Variants in APOL1 observed in about 807,000 individuals in gnomAD.
APOL1 encodes the protein apolipoprotein L 1.
Under a neutral mutation model 14.9 loss-of-function variants are expected in APOL1, and 17 were observed. The ratio of observed to expected loss-of-function variants is 1.14; its 90% CI spans 0.78 to 1.71. The LOEUF is 1.71. Among genes scored for constraint, APOL1 ranks in the 40% most tolerant of loss-of-function variants. The probability of loss-of-function intolerance (pLI) is 0.00; values close to 1 mark genes in which losing one functional copy is unlikely to be tolerated. For synonymous variants in APOL1, 195 were observed against 184.8 expected, an observed-to-expected ratio of 1.05 and a Z score of -0.45; for missense variants, 523 against 485.9, an observed-to-expected ratio of 1.08 and a Z score of -0.72.
At chr22:36,257,788 C>T (rs774930939) in intron 4 of APOL1, among the ~76,000 whole-genome samples, 3 of 152,136 alleles carry the variant, frequency 2.0e-5, no homozygotes, top group South Asian at 4.1e-4. Flanking sequence ...TGTCACCTCC[C>T]GCTCTGCTCC....
At chr22:36,259,073 A>G (rs1054075372) in intron 4 of APOL1, among the ~76,000 whole-genome samples, 2 of 152,148 alleles carry the variant, frequency 1.3e-5, no homozygotes, top group African/African-American at 4.8e-5. Context: ...CAGTATCCAC[A>G]TCTCAGCATG....
chr22:36,257,233 T>C, intron 3 of APOL1, 86 bp from the exon 4 acceptor site: 1 of 1,604,140 alleles, frequency 6.2e-7, no homozygotes, highest in Non-Finnish European at 8.5e-7. Flanking sequence ...CAGAGAGATT[T>C]GCAGAGCCCC....
At chr22:36,254,812 T>G (rs1224678112) in intron 1 of APOL1, 125 bp from the exon 2 acceptor site, 1 of 1,250,002 alleles carries the variant, frequency 8.0e-7, no homozygotes, top group African/African-American at 1.5e-5. Flanking sequence ...GTAGCGAGCC[T>G]AGATCGCCCC....
At chr22:36,257,288 T>G (rs1025369603) in intron 3 of APOL1, 31 bp from the exon 4 acceptor site, 3 of 1,611,672 alleles carry the variant, frequency 1.9e-6, no homozygotes, top group Non-Finnish European at 2.5e-6. Context: ...GGCTCACATT[T>G]GATCCCACAA....
At position 36,257,045 on chromosome 22, in the gene APOL1, GC is replaced by G. The variant is rs553176123; in HGVS notation, c.45-35del. 2.9e-4 allele frequency: 463 copies of G among 1,610,702 alleles called. 5 individuals carry two copies. In the East Asian group the frequency reaches 7.6e-3, roughly 27 times the overall value. ...TAGTTTCTGTAATGATCAGATGGCT[GC>G]CCGTCCTCTGATTATCTTCTCCTCA... is the stretch of plus-strand genomic sequence containing the variant. On this transcript the variant is annotated intron_variant, in intron 2 of 5. Transcript: ENST00000397278.
At chr22:36,255,270 G>A (rs991290193) in intron 2 of APOL1, among the ~76,000 whole-genome samples, 34 of 152,252 alleles carry the variant, frequency 2.2e-4, no homozygotes, top group Non-Finnish European at 3.8e-4. Flanking sequence ...GGGATCCAGG[G>A]TGCAGCTCCT....
In APOL1 at chr22:36,257,699, G is replaced by T. The variant is rs78940779; in HGVS notation, c.187+292G>T. ...ATCCTTGGGGAAGTGGAATCAGCGG[G>T]GGGGGGGGGGAGTGTGGGGAGAGCA... On this transcript the variant is annotated intron_variant, in intron 4 of 5. Coordinates refer to ENST00000397278, the MANE Select transcript of APOL1 (RefSeq NM_003661.4). 1.1e-4 allele frequency: 32 copies of T among 299,266 alleles called. 2 individuals are homozygous for T. The Middle Eastern group carries it at 5.2e-3, about 49-fold the overall frequency. The allele number at this position is 299,266 out of a possible 1,614,324, so 18.5% of individuals were successfully genotyped here. A position where few individuals can be genotyped will look rare whatever the true frequency, so the allele number is the denominator to read the frequency against.
At chr22:36,257,619 G>A (rs564462892) in intron 4 of APOL1, 1 of 557,722 alleles carries the variant, frequency 1.8e-6, no homozygotes, top group South Asian at 2.2e-5. Flanking sequence ...CACGGCCCAG[G>A]TGCCCACTTC....
At chr22:36,259,680 T>A in intron 4 of APOL1, 2 of 1,302,712 alleles carry the variant, frequency 1.5e-6, no homozygotes, top group Non-Finnish European at 1.0e-6. Context: ...CCCAGCTGGG[T>A]CCAGAGGTGA....
rs1603482254 is a variant in APOL1 at position 36,265,491 on chromosome 22, G to A, written c.655G>A (p.Ala219Thr). 6.8e-6 allele frequency: 11 copies of A among 1,614,022 alleles called. No homozygotes were observed. The highest frequency in any genetic ancestry group is 2.7e-5 in the African/African-American group (2 of 75,024). ...EPGMELGITA[A>T]LTGITSSTMD... ...TGGGATGGAGTTGGGAATCACAGCCGCTTTGACCGGGATTACCAGCAGTAC... is the reference window on the plus strand; with the variant it reads ...TGGGATGGAGTTGGGAATCACAGCCACTTTGACCGGGATTACCAGCAGTAC... The change falls in exon 6 of 6, where the codon GCT becomes ACT. Residue 219 changes from alanine to threonine, a missense_variant. Coordinates refer to ENST00000397278, the MANE Select transcript of APOL1 (RefSeq NM_003661.4).
chr22:36,261,534 G>A (rs1336902148), intron 4 of APOL1, 62 bp from the exon 5 acceptor site: 2 of 1,526,008 alleles, frequency 1.3e-6, no homozygotes, highest in Non-Finnish European at 1.8e-6. Flanking sequence ...CATCTCTTAT[G>A]CAATGGCTGT....
At chr22:36,265,018 A>G in intron 5 of APOL1, 133 bp from the exon 6 acceptor site, 2 of 1,171,762 alleles carry the variant, frequency 1.7e-6, no homozygotes, top group Non-Finnish European at 2.4e-6. Context: ...TCACCGTATT[A>G]GTCAGGATGG....
chr22:36,261,815 A>G (rs944431197), intron 5 of APOL1, 93 bp downstream of exon 5: 9 of 1,474,578 alleles, frequency 6.1e-6, no homozygotes, highest in Admixed American at 2.0e-5. Flanking sequence ...CACCTCCTCC[A>G]GGCAGCCCCC....
chr22:36,255,351 C>G (rs547891572), intron 2 of APOL1, among the ~76,000 whole-genome samples: 18 of 152,402 alleles, frequency 1.2e-4, no homozygotes, highest in African/African-American at 4.3e-4. Context: ...TCCTGGTCCT[C>G]CTGTGTCCTC....
chr22:36,259,103 T>A (rs2146301842), intron 4 of APOL1, among the ~76,000 whole-genome samples: 1 of 152,278 alleles, frequency 6.6e-6, no homozygotes. Context: ...CAGCTGGCTT[T>A]AAGTTTTGTT....
At position 36,265,485 on chromosome 22, in the gene APOL1, A is replaced by C; in HGVS notation, c.649A>C (p.Thr217Pro). 3.7e-6 allele frequency: 6 copies of C among 1,614,108 alleles called. No individual in the cohort carries two copies. The South Asian group carries it at 6.6e-5, about 18-fold the overall frequency. Residue 217 changes from threonine (T) to proline (P), a missense_variant, in exon 6 of 6, where the codon ACA (threonine) becomes CCA (proline). Thr to Pro is a conservative substitution (Grantham distance 38, BLOSUM62 -1). Coordinates refer to ENST00000397278, the MANE Select transcript of APOL1 (RefSeq NM_003661.4). ...LLEPGMELGI[T>P]AALTGITSST... is the part of the protein sequence containing the mutation. ...GGAACCTGGGATGGAGTTGGGAATC[A>C]CAGCCGCTTTGACCGGGATTACCAG...
intron 2 of APOL1, among the ~76,000 whole-genome samples, chr22:36,256,658 A>T (rs1006291477): frequency 6.6e-6 from 1 of 152,218 alleles, no homozygotes; most frequent in Non-Finnish European, 1.5e-5. Flanking sequence ...GTGTGAGACA[A>T]GGATTTGCAA....
At position 36,265,727 on chromosome 22, in the gene APOL1, G is replaced by C. The variant is rs148496792; in HGVS notation, c.891G>C (p.Pro297=). Residue 297 remains proline, a synonymous_variant, in exon 6 of 6, where the codon CCG becomes CCC. Coordinates refer to ENST00000397278, the MANE Select transcript of APOL1 (RefSeq NM_003661.4). The part of the protein sequence containing the change: ...RRARANLQSV[P]HASASRPRVT... ...CCAGAGCCAATCTTCAGTCAGTACC[G>C]CATGCCTCAGCCTCACGCCCCCGGG... 9 of 1,613,640 alleles carry C rather than the reference G, an allele frequency of 5.6e-6. No individual in the cohort carries two copies. The highest frequency in any genetic ancestry group is 7.6e-6 in the Non-Finnish European group (9 of 1,179,808).
intron 3 of APOL1, 32 bp downstream of exon 3, chr22:36,257,168 C>A (rs1382589781): frequency 6.2e-7 from 1 of 1,613,824 alleles, no homozygotes; most frequent in Non-Finnish European, 8.5e-7. Context: ...ATGATGGGGG[C>A]TCAGTGATAG....
Sources: gnomAD v4.1 joint callset for allele counts (sites outside exome capture counted in the v4.1 genomes callset) on GRCh38, gnomAD v4.1.1 for gene constraint, MANE v1.5 for transcripts, NCBI Gene and HGNC (gene_info 2026-07-23, HGNC 2026-07-21) for gene names.